Variants in NEBL observed in about 807,000 individuals in gnomAD.
NEBL encodes LIM and SH3 protein 2.
NEBL carries 122 observed loss-of-function variants against 140.2 expected under a neutral mutation model. The ratio of observed to expected loss-of-function variants is 0.87; its 90% confidence interval spans 0.75 to 1.01. NEBL has a LOEUF of 1.01. Among genes scored for constraint, NEBL ranks in the 50% least tolerant of loss-of-function variants. The pLI is 0.00. For synonymous variants in NEBL, 436 were observed against 398.9 expected, an observed-to-expected ratio of 1.09 and a Z score of -1.11; for missense variants, 1,365 against 1,231.3, an observed-to-expected ratio of 1.11 and a Z score of -1.62.
rs190840603 is a variant in NEBL at position 21,183,386 on chromosome 10, G to A, written n.349-10909C>T. On this transcript the variant is annotated intron_variant and non_coding_transcript_variant, in intron 3 of 8. Coordinates refer to the NEBL transcript ENST00000675702. ...AGCCGCAACCACAGGACAAGAGGGC[G>A]TCTGGACACCACCAGAAAGAGCACA... Among the ~76,000 whole-genome samples the A allele has an allele frequency of 7.3e-4, 111 of 152,190 alleles. 1 individual carries two copies. The highest frequency in any genetic ancestry group is 1.3e-3 in the Admixed American group (20 of 15,280).
At chr10:21,168,448 T>G (rs1422389532) in intron 2 of NEBL, among the ~76,000 whole-genome samples, 9 of 152,226 alleles carry the variant, frequency 5.9e-5, no homozygotes. Flanking sequence ...CTTGAATAAC[T>G]GATATTGAAT....
In NEBL at chr10:21,008,902, T is replaced by C. The variant is rs1234068087; in HGVS notation, c.249+11215A>G. Among the ~76,000 whole-genome samples, 4 of 151,616 alleles carry C rather than the reference T, an allele frequency of 2.6e-5. No individual in the cohort carries two copies. The East Asian group carries it at 5.8e-4, about 22-fold the overall frequency. On this transcript the variant is annotated intron_variant, in intron 3 of 6. Coordinates refer to the NEBL transcript ENST00000417816. ...GTATGTAATGTATGTATATTATATG[T>C]ATATCTACATACATGTATATTACAT...
intron 4 of NEBL, among the ~76,000 whole-genome samples, chr10:20,947,790 C>A (rs1329598062): frequency 6.6e-6 from 1 of 152,064 alleles, no homozygotes; most frequent in Non-Finnish European, 1.5e-5. Flanking sequence ...TGAGCACATG[C>A]TTCATGCGTA....
intron 3 of NEBL, among the ~76,000 whole-genome samples, chr10:20,984,915 C>T (rs937467320): frequency 1.1e-4 from 17 of 152,128 alleles, no homozygotes; most frequent in African/African-American, 9.7e-5. Context: ...CATAGGAGCA[C>T]GAACCCTATT....
At chr10:21,070,162 A>T (rs1835753164) in intron 2 of NEBL, 1 of 355,216 alleles carries the variant, frequency 2.8e-6, no homozygotes, top group Non-Finnish European at 5.7e-6. Flanking sequence ...TGGCCAGGAC[A>T]CTGGGGCTAA....
chr10:20,879,637 T>A (rs74123514), intron 5 of NEBL, among the ~76,000 whole-genome samples: 6,580 of 152,192 alleles, frequency 0.043, 453 homozygotes, highest in African/African-American at 0.14. Flanking sequence ...CAAGCACCAT[T>A]CCATAAAGGG....
At chr10:21,069,532 A>G (rs549603077) in intron 2 of NEBL, among the ~76,000 whole-genome samples, 37 of 152,286 alleles carry the variant, frequency 2.4e-4, no homozygotes, top group African/African-American at 7.7e-4. Context: ...TGCTCCCTGA[A>G]TCCCAGTTTT....
intron 3 of NEBL, among the ~76,000 whole-genome samples, chr10:21,237,852 C>T (rs1448384057): frequency 6.6e-6 from 1 of 152,170 alleles, no homozygotes; most frequent in Non-Finnish European, 1.5e-5. Flanking sequence ...GGTGATCCAC[C>T]CGCCTCAATC....
rs556175457 is a variant in NEBL, at chr10:21,257,990, TG to T, written n.183-6163del. 3.5e-3 allele frequency among the ~76,000 whole-genome samples: 538 copies of T among 152,318 alleles called. 3 individuals are homozygous for T. The highest frequency in any genetic ancestry group is 7.7e-3 in the South Asian group (37 of 4,828). On this transcript the variant is annotated intron_variant and non_coding_transcript_variant, in intron 1 of 8. Coordinates refer to the NEBL transcript ENST00000675702. ...GTCTAGATTACATGCTTTCTTGGTTTGGGTTCTCCCAAGAGCAGGGCCTGAG... is the reference window on the plus strand; with the variant it reads ...GTCTAGATTACATGCTTTCTTGGTTTGGTTCTCCCAAGAGCAGGGCCTGAG...
In NEBL at chr10:21,066,030, G is replaced by C. The variant is rs1046295286; in HGVS notation, c.165-45829C>G. On this transcript the variant is annotated intron_variant, in intron 2 of 6. Transcript: ENST00000417816. ...CCATCCTCAATTCACCCTCCTCTTA[G>C]ACTAATAGTTCTGCCAACTCAGCAT... Among the ~76,000 whole-genome samples, 2 of 152,068 alleles carry C rather than the reference G, an allele frequency of 1.3e-5. 1 individual carries two copies. Among genetic ancestry groups the C allele is most frequent in the East Asian group, 3.9e-4 (2 of 5,192 alleles).
chr10:20,819,410 CAG>C lies in NEBL; in HGVS notation c.2055+12_2055+13del. On this transcript the variant is annotated intron_variant, in intron 20 of 27. Coordinates refer to ENST00000377122, the MANE Select transcript of NEBL (RefSeq NM_006393.3). ...ATGTTTGAGAAAATATAAAAGGAAACAGAAACGACTTGCCGCACTCAGCTGCT... is the reference window on the plus strand; with the variant it reads ...ATGTTTGAGAAAATATAAAAGGAAACAAACGACTTGCCGCACTCAGCTGCT... The C allele has an allele frequency of 6.2e-7, 1 of 1,613,756 alleles. No homozygotes were observed. The highest frequency in any genetic ancestry group is 8.5e-7 in the Non-Finnish European group (1 of 1,179,784).
chr10:20,944,105 T>C (rs549826089), intron 4 of NEBL, among the ~76,000 whole-genome samples: 5 of 152,268 alleles, frequency 3.3e-5, no homozygotes, highest in Admixed American at 2.6e-4. Flanking sequence ...TATTTAAATA[T>C]AGTTAAATAT....
chr10:20,829,595 A>G (rs1840210245), intron 16 of NEBL, among the ~76,000 whole-genome samples: 1 of 151,112 alleles, frequency 6.6e-6, no homozygotes, highest in African/African-American at 2.4e-5. Context: ...ATAATAATAA[A>G]ATTAAAAAAA....
chr10:21,029,721 T>C, intron 2 of NEBL: 1 of 879,268 alleles, frequency 1.1e-6, no homozygotes, highest in South Asian at 1.4e-5. Context: ...GGTATGAGTA[T>C]CGGGATGGCC....
At chr10:21,218,111 C>T (rs1842020973) in intron 3 of NEBL, 1 of 154,738 alleles carries the variant, frequency 6.5e-6, no homozygotes, top group Non-Finnish European at 1.4e-5. Context: ...ATCCTGACAC[C>T]CAGGCAATCA....
chr10:21,185,941 G>A (rs763013836), intron 3 of NEBL, among the ~76,000 whole-genome samples: 1 of 152,138 alleles, frequency 6.6e-6, no homozygotes, highest in African/African-American at 2.4e-5. Context: ...AGGGATTTCA[G>A]TTATATTCCT....
chr10:20,892,760 T>C (rs1847135020), intron 2 of NEBL, among the ~76,000 whole-genome samples: 1 of 152,190 alleles, frequency 6.6e-6, no homozygotes, highest in Non-Finnish European at 1.5e-5. Context: ...TGAGATTAGC[T>C]AAAGGCTGAA....
In NEBL at chr10:21,200,308, C is replaced by CTTTTTTTT. The variant is rs10671099; in HGVS notation, n.349-27839_349-27832dup. Among the ~76,000 whole-genome samples, 48 of 81,964 alleles carry CTTTTTTTT rather than the reference C, an allele frequency of 5.9e-4. 3 individuals carry two copies. Among genetic ancestry groups the CTTTTTTTT allele is most frequent in the African/African-American group, 1.5e-3 (29 of 19,332 alleles). 53.8% of individuals were successfully genotyped at this position (81,964 alleles called of 152,430 possible). ...GTGTGAAGTGACATATTCCAAGGGACTTTTTTTTTTTTTTTTTTTTTTTGA... is the reference window on the plus strand; with the variant it reads ...GTGTGAAGTGACATATTCCAAGGGACTTTTTTTTTTTTTTTTTTTTTTTTTTTTTTTGA... On this transcript the variant is annotated intron_variant and non_coding_transcript_variant, in intron 3 of 8. Coordinates refer to the NEBL transcript ENST00000675702.
intron 18 of NEBL, among the ~76,000 whole-genome samples, chr10:20,823,766 A>G (rs1232757859): frequency 6.6e-6 from 1 of 152,164 alleles, no homozygotes; most frequent in Non-Finnish European, 1.5e-5. Context: ...ATAAGGAAAT[A>G]AATAAGGAAA....
Sources: allele counts gnomAD v4.1 joint callset (sites outside exome capture counted in the v4.1 genomes callset), GRCh38; gene constraint gnomAD v4.1.1; transcripts MANE v1.5; gene names NCBI Gene and HGNC (gene_info 2026-07-23, HGNC 2026-07-21).